The following KHDRBS2 variants were observed in gnomAD, a reference collection of about 807,000 sequenced individuals.
KHDRBS2 encodes the protein KH domain-containing, RNA-binding, signal transduction-associated protein 2.
KHDRBS2 carries 26 observed loss-of-function variants against 44.3 expected under a neutral mutation model. The observed-to-expected ratio is 0.59, with a 90% CI of 0.43 to 0.81. The LOEUF (loss-of-function observed/expected upper bound fraction) is 0.81, where lower values mean the gene tolerates loss of function less well. Ranked by LOEUF, KHDRBS2 falls within the 40% of genes least tolerant of loss-of-function variation. KHDRBS2 has a pLI of 0.00. For missense variants in KHDRBS2, 476 were observed against 433.1 expected, an observed-to-expected ratio of 1.10 and a Z score of -0.88; for synonymous variants, 194 against 151.1, an observed-to-expected ratio of 1.28 and a Z score of -2.08.
At chr6:61,979,282 T>C (rs1379719750) in intron 3 of KHDRBS2, among the ~76,000 whole-genome samples, 1 of 152,112 alleles carries the variant, frequency 6.6e-6, no homozygotes, top group Non-Finnish European at 1.5e-5. Context: ...AAAGTTAACA[T>C]AAATAACATT....
chr6:61,878,081 T>C (rs1799693386), intron 6 of KHDRBS2, among the ~76,000 whole-genome samples: 1 of 152,014 alleles, frequency 6.6e-6, no homozygotes, highest in South Asian at 2.1e-4. Flanking sequence ...ATTTACTACA[T>C]GTTCCATAGT....
chr6:61,732,164 A>C (rs148124914), intron 7 of KHDRBS2, among the ~76,000 whole-genome samples: 1 of 152,204 alleles, frequency 6.6e-6, no homozygotes, highest in Non-Finnish European at 1.5e-5. Context: ...TGAAGACATA[A>C]AAAATCATTT....
the KHDRBS2 span, among the ~76,000 whole-genome samples, chr6:61,621,432 T>G: frequency 6.6e-6 from 1 of 152,178 alleles, no homozygotes; most frequent in African/African-American, 2.4e-5. Flanking sequence ...TTTTGGTAGC[T>G]TAGAAAGAGC....
At chr6:61,919,469 T>C (rs968465661) in intron 4 of KHDRBS2, among the ~76,000 whole-genome samples, 1 of 151,892 alleles carries the variant, frequency 6.6e-6, no homozygotes, top group Non-Finnish European at 1.5e-5. Flanking sequence ...GTCTAAATTC[T>C]ACAGTGTGAT....
chr6:62,198,885 C>T (rs1172543721), intron 1 of KHDRBS2, among the ~76,000 whole-genome samples: 1 of 152,094 alleles, frequency 6.6e-6, no homozygotes, highest in Non-Finnish European at 1.5e-5. Context: ...AAAGCTTATC[C>T]ACCATGATCA....
chr6:61,650,559 G>A, the KHDRBS2 span, among the ~76,000 whole-genome samples: 1 of 151,666 alleles, frequency 6.6e-6, no homozygotes, highest in African/African-American at 2.4e-5. Flanking sequence ...AAGGGTTAAC[G>A]ATGTTATTAT....
At chr6:61,659,354 A>G in the KHDRBS2 span, among the ~76,000 whole-genome samples, 3 of 151,738 alleles carry the variant, frequency 2.0e-5, no homozygotes, top group Non-Finnish European at 2.9e-5. Flanking sequence ...TAGGGATAAG[A>G]ATGTCAGAGC....
the KHDRBS2 span, among the ~76,000 whole-genome samples, chr6:61,552,157 T>G: frequency 2.0e-5 from 3 of 152,150 alleles, no homozygotes; most frequent in Non-Finnish European, 4.4e-5. Flanking sequence ...CATGGCATAT[T>G]TTTCTATTTG....
chr6:61,741,275 T>G (rs1235255160), intron 6 of KHDRBS2, among the ~76,000 whole-genome samples: 1 of 151,926 alleles, frequency 6.6e-6, no homozygotes, highest in African/African-American at 2.4e-5. Context: ...CAGAATATGT[T>G]AAATTACCTC....
chr6:62,037,815 C>T (rs1470675455), intron 3 of KHDRBS2, among the ~76,000 whole-genome samples: 1 of 152,034 alleles, frequency 6.6e-6, no homozygotes, highest in East Asian at 1.9e-4. Flanking sequence ...CTGTCCATCT[C>T]AAAACTCTGA....
chr6:61,737,550 G>C (rs183270107), intron 6 of KHDRBS2, among the ~76,000 whole-genome samples: 1 of 152,142 alleles, frequency 6.6e-6, no homozygotes, highest in Admixed American at 6.6e-5. Flanking sequence ...GTTAAAAACA[G>C]ACCGTAAGTT....
At chr6:62,268,261 C>T (rs1458199730) in intron 1 of KHDRBS2, among the ~76,000 whole-genome samples, 1 of 152,036 alleles carries the variant, frequency 6.6e-6, no homozygotes, top group East Asian at 1.9e-4. Flanking sequence ...AATGCCAGCA[C>T]TGATATATTC....
intron 4 of KHDRBS2, among the ~76,000 whole-genome samples, chr6:61,936,342 T>G (rs1043300039): frequency 6.6e-6 from 1 of 152,024 alleles, no homozygotes; most frequent in Non-Finnish European, 1.5e-5. Flanking sequence ...AATATAACAT[T>G]AATATTTTTA....
intron 3 of KHDRBS2, among the ~76,000 whole-genome samples, chr6:62,041,174 T>A (rs1367224707): frequency 6.6e-6 from 1 of 151,882 alleles, no homozygotes; most frequent in Admixed American, 6.6e-5. Context: ...CTACTAAATA[T>A]ACAAAAATTA....
chr6:62,051,575 GGT>G lies in KHDRBS2; in HGVS notation c.220-3583_220-3582del, dbSNP rs551392774. On this transcript the variant is annotated intron_variant, in intron 2 of 8. Coordinates refer to ENST00000281156, the MANE Select transcript of KHDRBS2 (RefSeq NM_152688.4). ...TTCAAAACCTCTGAAGGCTGGCCTT[GGT>G]AAAGAATTTTTGGATGTCATACCAA... 1.8e-3 allele frequency among the ~76,000 whole-genome samples: 276 copies of G among 151,878 alleles called. 10 individuals are homozygous for G. The South Asian group carries it at 0.052, about 29-fold the overall frequency.
At chr6:61,736,868 T>G (rs1775443528) in intron 6 of KHDRBS2, among the ~76,000 whole-genome samples, 2 of 152,094 alleles carry the variant, frequency 1.3e-5, no homozygotes, top group Admixed American at 6.6e-5. Flanking sequence ...TTAAAATACC[T>G]AAACATATAC....
intron 3 of KHDRBS2, among the ~76,000 whole-genome samples, chr6:62,018,634 C>G (rs1301815317): frequency 1.3e-5 from 2 of 152,126 alleles, no homozygotes; most frequent in East Asian, 3.9e-4. Context: ...CGTGAGCCAC[C>G]GCGCCCGGCC....
At chr6:61,597,865 G>A in the KHDRBS2 span, among the ~76,000 whole-genome samples, 1 of 135,260 alleles carries the variant, frequency 7.4e-6, no homozygotes, top group Non-Finnish European at 1.6e-5. Flanking sequence ...CACAAACAAA[G>A]AAACATGGGG....
chr6:62,261,899 T>C (rs1838406352), intron 1 of KHDRBS2, among the ~76,000 whole-genome samples: 1 of 151,842 alleles, frequency 6.6e-6, no homozygotes, highest in Non-Finnish European at 1.5e-5. Context: ...TCCCCATAAA[T>C]ATCAGTTGTG....
Sources: gnomAD v4.1 joint callset for allele counts (sites outside exome capture counted in the v4.1 genomes callset) on GRCh38, gnomAD v4.1.1 for gene constraint, MANE v1.5 for transcripts, NCBI Gene and HGNC (gene_info 2026-07-23, HGNC 2026-07-21) for gene names.